The following ADAM32 variants were observed in gnomAD, a reference collection of about 807,000 sequenced individuals.
ADAM32 encodes disintegrin and metalloproteinase domain-containing protein 32.
Under a neutral mutation model 114.9 loss-of-function variants are expected in ADAM32, and 89 were observed. The ratio of observed to expected loss-of-function variants is 0.77; its 90% CI spans 0.65 to 0.92. The LOEUF is 0.92. ADAM32 is among the 40% of genes least tolerant of loss of function. The probability of loss-of-function intolerance (pLI) is 0.00; values close to 1 mark genes in which losing one functional copy is unlikely to be tolerated. For synonymous variants in ADAM32, 285 were observed against 307.5 expected (o/e 0.93, Z 0.77); for missense variants, 870 against 932.8 (o/e 0.93, Z 0.88).
At chr8:39,143,154 G>T (rs1803278753) in intron 3 of ADAM32, among the ~76,000 whole-genome samples, 1 of 152,064 alleles carries the variant, frequency 6.6e-6, no homozygotes, top group African/African-American at 2.4e-5. Context: ...GTTACAACAT[G>T]CTCCTTTAGC....
chr8:39,179,705 C>T (rs1403355852), intron 10 of ADAM32, among the ~76,000 whole-genome samples: 1 of 152,236 alleles, frequency 6.6e-6, no homozygotes, highest in East Asian at 1.9e-4. Context: ...TCCCTGGCTC[C>T]ATGCCACTCC....
intron 19 of ADAM32, among the ~76,000 whole-genome samples, chr8:39,262,909 TG>T (rs1262867761): frequency 1.3e-5 from 2 of 152,074 alleles, no homozygotes; most frequent in Non-Finnish European, 2.9e-5. Context: ...AGTTTCACCA[TG>T]TTGGCCAGGC....
At chr8:39,272,751 G>A (rs962275874) in intron 20 of ADAM32, among the ~76,000 whole-genome samples, 13 of 151,942 alleles carry the variant, frequency 8.6e-5, no homozygotes, top group African/African-American at 3.1e-4. Context: ...GTGCACTTAG[G>A]CTACACTAAA....
intron 10 of ADAM32, among the ~76,000 whole-genome samples, chr8:39,180,571 G>A (rs1325839074): frequency 6.6e-6 from 1 of 152,250 alleles, no homozygotes; most frequent in Non-Finnish European, 1.5e-5. Flanking sequence ...GGGATCCACT[G>A]GATGAAGCCA....
rs371168174 is a variant in ADAM32 at position 39,233,907 on chromosome 8, T to C, written c.1643T>C (p.Ile548Thr). 1.4e-5 allele frequency: 21 copies of C among 1,523,886 alleles called. No individual in the cohort carries two copies. Among genetic ancestry groups the C allele is most frequent in the Non-Finnish European group, 1.7e-5 (19 of 1,134,792 alleles). 94.4% of individuals were successfully genotyped at this position (1,523,886 alleles called of 1,614,324 possible). Reference sequence around the variant, plus strand: ...ATTTTTTATGTTTTCAGGAATCTTATATGTGGAAGATTAGTTTGTACCTAC... The same window carrying C: ...ATTTTTTATGTTTTCAGGAATCTTACATGTGGAAGATTAGTTTGTACCTAC... The part of the protein sequence containing the change: ...KYVFCGWRNL[I>T]CGRLVCTYPT... Residue 548 changes from isoleucine (I) to threonine (T), a missense_variant, in exon 16 of 25, where the codon ATA (isoleucine) becomes ACA (threonine). Coordinates refer to ENST00000379907, the MANE Select transcript of ADAM32 (RefSeq NM_145004.7).
At chr8:39,208,462 C>T (rs1279417678) in intron 11 of ADAM32, among the ~76,000 whole-genome samples, 1 of 152,148 alleles carries the variant, frequency 6.6e-6, no homozygotes, top group Non-Finnish European at 1.5e-5. Context: ...ACCATAGTTA[C>T]AGTGTTAGAG....
At position 39,216,398 on chromosome 8, in the gene ADAM32, T is replaced by G. The variant is rs188610155; in HGVS notation, c.1233+5074T>G. ...GATTGGAGCATTTAGTTGATTTACA[T>G]TCCATGTTATTATTGATAAATAAGA... On this transcript the variant is annotated intron_variant, in intron 12 of 24. Transcript: ENST00000379907. Among the ~76,000 whole-genome samples, 242 of 152,174 alleles carry G rather than the reference T, an allele frequency of 1.6e-3. 1 individual carries two copies. Among genetic ancestry groups the G allele is most frequent in the Non-Finnish European group, 8.0e-4 (54 of 67,912 alleles).
rs375533742 is a variant in ADAM32 at position 39,138,212 on chromosome 8, T to G, written c.200+1494T>G. Among the ~76,000 whole-genome samples the G allele has an allele frequency of 3.9e-5, 6 of 152,286 alleles. No homozygotes were observed. The East Asian group carries it at 7.7e-4, about 20-fold the overall frequency. On this transcript the variant is annotated intron_variant, in intron 3 of 24. Transcript: ENST00000379907. Reference sequence around the variant, plus strand: ...ATTATACTTTAAGTTCTAGAGTACATGTGCACAGCGTGCAGGTTTGTTACA... The same window carrying G: ...ATTATACTTTAAGTTCTAGAGTACAGGTGCACAGCGTGCAGGTTTGTTACA...
At chr8:39,254,549 T>A in intron 18 of ADAM32, 33 bp downstream of exon 18, 3 of 1,452,884 alleles carry the variant, frequency 2.1e-6, no homozygotes, top group Non-Finnish European at 2.8e-6. Context: ...ACCCATTTAA[T>A]AAAATTCTCA....
chr8:39,110,407 T>C (rs1004563815), intron 1 of ADAM32, among the ~76,000 whole-genome samples: 11 of 152,148 alleles, frequency 7.2e-5, no homozygotes, highest in Admixed American at 5.2e-4. Flanking sequence ...TATTCAATTG[T>C]CTGGATCTAC....
In ADAM32 at chr8:39,136,710, TAAAC is replaced by T. The variant is rs1290695999; in HGVS notation, c.196_199del (p.Gln66AspfsTer4). 3 of 1,505,272 alleles carry T rather than the reference TAAAC, an allele frequency of 2.0e-6. No individual in the cohort carries two copies. Among genetic ancestry groups the T allele is most frequent in the Non-Finnish European group, 2.7e-6 (3 of 1,115,632 alleles). The allele number at this position is 1,505,272 out of a possible 1,614,324, so 93.2% of individuals were successfully genotyped here. On this transcript the variant is annotated frameshift_variant, in exon 3 of 25. Coordinates refer to ENST00000379907, the MANE Select transcript of ADAM32 (RefSeq NM_145004.7). LOFTEE classifies it high-confidence loss of function. ...ATGAGAAACTGTACACTGTGCACCTTAAACAAAGGTAAATTTTTATTCTTTAGTT... is the reference window on the plus strand; with the variant it reads ...ATGAGAAACTGTACACTGTGCACCTTAAAGGTAAATTTTTATTCTTTAGTT...
rs557619444 is a variant in ADAM32, at chr8:39,158,660, C to T, written c.526-2237C>T. ...TGCTGTGTTTCCAAGGCAGGAAGCCCGGGGACCCATGTCTTGGAGCAAAAG... is the reference window on the plus strand; with the variant it reads ...TGCTGTGTTTCCAAGGCAGGAAGCCTGGGGACCCATGTCTTGGAGCAAAAG... On this transcript the variant is annotated intron_variant, in intron 6 of 24. Transcript: ENST00000379907. The T allele has an allele frequency of 4.0e-5, 7 of 176,540 alleles. No homozygotes were observed. The East Asian group carries it at 4.9e-4, about 12-fold the overall frequency. 10.9% of individuals were successfully genotyped at this position (176,540 alleles called of 1,614,324 possible).
intron 13 of ADAM32, 108 bp downstream of exon 13, chr8:39,221,810 G>T: frequency 1.5e-6 from 1 of 665,818 alleles, no homozygotes; most frequent in Non-Finnish European, 2.3e-6. Flanking sequence ...TTACTTTTCA[G>T]ATAAAGAGAA....
chr8:39,149,600 A>G (rs1164226205), intron 4 of ADAM32, among the ~76,000 whole-genome samples, 191 bp from the exon 5 acceptor site: 1 of 152,174 alleles, frequency 6.6e-6, no homozygotes, highest in Non-Finnish European at 1.5e-5. Context: ...AATCTATTAT[A>G]AAGTGTAGTT....
Position 39,232,110 on chromosome 8 carries a change from A to G in ADAM32, c.1609A>G (p.Asn537Asp), listed in dbSNP as rs780473901. 7.5e-6 allele frequency: 12 copies of G among 1,606,668 alleles called. No individual in the cohort carries two copies. In the South Asian group the frequency reaches 1.3e-4, roughly 18 times the overall value. ...TGGGAACTGTGGTAGGGATAGAAAT[A>G]ACAAATATGTGTTCTGTGGATGGAG... ...RFGNCGRDRN[N>D]KYVFCGWRNL... Residue 537 changes from asparagine (N) to aspartate (D), a missense_variant, in exon 15 of 25, where the codon AAC becomes GAC. Asn to Asp is a conservative substitution (Grantham distance 23). Transcript: ENST00000379907.
chr8:39,115,651 G>T (rs1326083229), intron 1 of ADAM32, among the ~76,000 whole-genome samples: 1 of 148,868 alleles, frequency 6.7e-6, no homozygotes, highest in Non-Finnish European at 1.5e-5. Context: ...TTAGACCTTT[G>T]TTGGCATAGT....
intron 3 of ADAM32, among the ~76,000 whole-genome samples, chr8:39,138,948 G>A (rs868567212): frequency 5.9e-5 from 9 of 152,170 alleles, no homozygotes; most frequent in South Asian, 2.1e-4. Flanking sequence ...TTTTTCATAT[G>A]TCTGTTGGCT....
chr8:39,271,026 C>T (rs1421253657), intron 20 of ADAM32, 112 bp downstream of exon 20: 1 of 931,594 alleles, frequency 1.1e-6, no homozygotes, highest in African/African-American at 1.7e-5. Context: ...AAGCAATGCA[C>T]TGAAATCCAG....
chr8:39,267,356 G>T (rs1204991319), intron 19 of ADAM32, among the ~76,000 whole-genome samples: 1 of 152,086 alleles, frequency 6.6e-6, no homozygotes, highest in African/African-American at 2.4e-5. Context: ...ACTTTGTCTG[G>T]ATTATTTACA....
Sources: allele counts gnomAD v4.1 joint callset (sites outside exome capture counted in the v4.1 genomes callset), GRCh38; gene constraint gnomAD v4.1.1; transcripts MANE v1.5; gene names NCBI Gene and HGNC (gene_info 2026-07-23, HGNC 2026-07-21).